TLL1: variants seen among roughly 807,000 people sequenced by gnomAD.
TLL1 encodes the protein tolloid-like protein 1.
TLL1 carries 49 observed loss-of-function variants against 128.2 expected under a neutral mutation model. The ratio of observed to expected loss-of-function variants is 0.38; its 90% CI spans 0.30 to 0.48. The LOEUF is 0.48. Ranked by LOEUF, TLL1 falls within the 20% of genes least tolerant of loss-of-function variation. The pLI, the probability that TLL1 is intolerant of heterozygous loss-of-function variation, is 0.96. For synonymous variants in TLL1, 454 were observed against 418.8 expected, an observed-to-expected ratio of 1.08 and a Z score of -1.03; for missense variants, 1,123 against 1,242.0, an observed-to-expected ratio of 0.90 and a Z score of 1.44.
chr4:166,100,146 A>G (rs1579745167), intron 20 of TLL1, among the ~76,000 whole-genome samples: 4 of 152,234 alleles, frequency 2.6e-5, no homozygotes, highest in Admixed American at 2.6e-4. Context: ...ATTAATATTT[A>G]TATATTTATA....
intron 1 of TLL1, among the ~76,000 whole-genome samples, chr4:165,961,969 T>G (rs749211638): frequency 6.6e-6 from 1 of 151,928 alleles, no homozygotes; most frequent in Non-Finnish European, 1.5e-5. Flanking sequence ...GACCTCAAAA[T>G]ACAAAAATCC....
chr4:166,029,764 C>T (rs1025552820), intron 9 of TLL1, among the ~76,000 whole-genome samples: 2 of 151,952 alleles, frequency 1.3e-5, no homozygotes, highest in Non-Finnish European at 2.9e-5. Context: ...AGTATTTGTC[C>T]CTTTGTGACT....
intron 9 of TLL1, among the ~76,000 whole-genome samples, chr4:166,029,289 C>T (rs1738643730): frequency 6.6e-6 from 1 of 151,864 alleles, no homozygotes; most frequent in Admixed American, 6.6e-5. Flanking sequence ...TTAGCCTCTT[C>T]CCATTCAAAA....
rs114431981 is a variant in TLL1, at chr4:166,057,293, C to T, written c.1830C>T (p.Asp610=). ...ACEPGYELGP[D]RRSCEAACGG... is the part of the protein sequence containing the mutation. ...AGCCTGGCTATGAGCTGGGCCCAGA[C>T]AGAAGGAGCTGTGAAGGTATGACTG... The change falls in exon 14 of 21, where the codon GAC becomes GAT. Residue 610 remains aspartate (D), a synonymous_variant. Transcript: ENST00000061240. The T allele has an allele frequency of 9.3e-4, 1,501 of 1,613,842 alleles. 20 individuals are homozygous for T. The African/African-American group carries it at 0.018, about 20-fold the overall frequency.
chr4:165,983,093 CAT>C (rs1244944382), intron 1 of TLL1, among the ~76,000 whole-genome samples: 1 of 151,688 alleles, frequency 6.6e-6, no homozygotes, highest in African/African-American at 2.4e-5. Flanking sequence ...AATATTAGGC[CAT>C]ACACACAAAA....
chr4:165,937,709 G>A (rs1208866072), intron 1 of TLL1, among the ~76,000 whole-genome samples: 1 of 151,866 alleles, frequency 6.6e-6, no homozygotes, highest in African/African-American at 2.4e-5. Flanking sequence ...AGGACTAATA[G>A]CAACCACATT....
chr4:166,086,159 C>T (rs571753289), intron 18 of TLL1, among the ~76,000 whole-genome samples: 29 of 151,912 alleles, frequency 1.9e-4, no homozygotes, highest in African/African-American at 6.8e-4. Context: ...GTTCATTCAC[C>T]GTATGTATAT....
At chr4:165,992,360 T>A (rs1322334721) in intron 2 of TLL1, among the ~76,000 whole-genome samples, 1 of 152,056 alleles carries the variant, frequency 6.6e-6, no homozygotes, top group East Asian at 1.9e-4. Context: ...GAAGAAAACA[T>A]GCATTACACA....
intron 8 of TLL1, among the ~76,000 whole-genome samples, chr4:166,015,252 T>TTGCATA (rs1409118329): frequency 6.6e-6 from 1 of 152,004 alleles, no homozygotes; most frequent in Non-Finnish European, 1.5e-5. Context: ...ATGTTTAACT[T>TTGCATA]TGCATAACAC....
intron 8 of TLL1, among the ~76,000 whole-genome samples, chr4:166,016,280 G>A (rs1737941201): frequency 6.6e-6 from 1 of 151,972 alleles, no homozygotes; most frequent in Non-Finnish European, 1.5e-5. Flanking sequence ...CTAATGTCTA[G>A]TAACATTGGG....
At chr4:166,021,532 A>G (rs1445261989) in intron 8 of TLL1, among the ~76,000 whole-genome samples, 2 of 149,480 alleles carry the variant, frequency 1.3e-5, no homozygotes, top group Non-Finnish European at 3.0e-5. Context: ...TCCTGGGTTC[A>G]AGCAATTCTC....
intron 2 of TLL1, among the ~76,000 whole-genome samples, chr4:165,991,525 G>A (rs993019096): frequency 1.3e-5 from 2 of 151,900 alleles, no homozygotes; most frequent in South Asian, 4.1e-4. Flanking sequence ...TGTTTCTCAA[G>A]ATGCACAGCA....
chr4:166,015,266 CT>C (rs1335083982), intron 8 of TLL1, among the ~76,000 whole-genome samples: 3 of 151,992 alleles, frequency 2.0e-5, no homozygotes, highest in Admixed American at 2.0e-4. Flanking sequence ...ATAACACAGT[CT>C]TTTCCAAATT....
intron 1 of TLL1, among the ~76,000 whole-genome samples, chr4:165,902,806 T>G (rs1227291356): frequency 6.6e-6 from 1 of 152,126 alleles, no homozygotes; most frequent in Non-Finnish European, 1.5e-5. Flanking sequence ...ACCCCCAAAA[T>G]GTTGATACAT....
chr4:165,991,218 A>G (rs998790449), intron 2 of TLL1, among the ~76,000 whole-genome samples: 1 of 151,980 alleles, frequency 6.6e-6, no homozygotes, highest in African/African-American at 2.4e-5. Context: ...TGAGACCATA[A>G]TAATTGGAAG....
intron 9 of TLL1, among the ~76,000 whole-genome samples, chr4:166,026,313 C>T (rs1013073779): frequency 7.2e-5 from 11 of 151,946 alleles, no homozygotes; most frequent in Non-Finnish European, 1.6e-4. Flanking sequence ...CACTTGAACC[C>T]GGACAGGGAG....
intron 16 of TLL1, among the ~76,000 whole-genome samples, chr4:166,068,767 A>G (rs1471301252): frequency 6.6e-6 from 1 of 151,850 alleles, no homozygotes; most frequent in Non-Finnish European, 1.5e-5. Flanking sequence ...ACAACAGGAA[A>G]ATCGTAAATA....
chr4:166,072,496 A>G (rs1740840231), intron 16 of TLL1, among the ~76,000 whole-genome samples: 1 of 151,886 alleles, frequency 6.6e-6, no homozygotes, highest in Non-Finnish European at 1.5e-5. Flanking sequence ...CAACAAGAGT[A>G]TTAATGATTG....
intron 18 of TLL1, among the ~76,000 whole-genome samples, chr4:166,087,761 G>A (rs1741590169): frequency 6.6e-6 from 1 of 152,106 alleles, no homozygotes; most frequent in African/African-American, 2.4e-5. Flanking sequence ...ACAGCGTCTG[G>A]AAGCCTGGCC....
Sources: allele counts gnomAD v4.1 joint callset (sites outside exome capture counted in the v4.1 genomes callset), GRCh38; gene constraint gnomAD v4.1.1; transcripts MANE v1.5; gene names NCBI Gene and HGNC (gene_info 2026-07-23, HGNC 2026-07-21).